Variants in SGCZ observed in about 807,000 individuals in gnomAD.
SGCZ encodes sarcoglycan zeta.
A neutral mutation model predicts 41.3 loss-of-function variants in SGCZ; 40 were observed. That is an observed-to-expected ratio of 0.97 (90% confidence interval 0.75 to 1.26). The LOEUF (loss-of-function observed/expected upper bound fraction) is 1.26. SGCZ is among the 50% of genes most tolerant of loss of function. SGCZ has a pLI of 0.00. For missense variants in SGCZ, 552 were observed against 369.8 expected (o/e 1.49, Z -4.04); for synonymous variants, 206 against 137.5 (o/e 1.50, Z -3.49).
At position 14,927,022 on chromosome 8, in the gene SGCZ, T is replaced by C. The variant is rs570103766; in HGVS notation, c.39+310563A>G. Reference sequence around the variant, plus strand: ...ATCACATTCCTATGGACACAGTATATAGTCTTTCAGTATCAACTACATTTT... The same window carrying C: ...ATCACATTCCTATGGACACAGTATACAGTCTTTCAGTATCAACTACATTTT... On this transcript the variant is annotated intron_variant, in intron 1 of 7. Transcript: ENST00000382080. 3.9e-4 allele frequency among the ~76,000 whole-genome samples: 59 copies of C among 152,060 alleles called. 1 individual carries two copies. The highest frequency in any genetic ancestry group is 3.1e-3 in the South Asian group (15 of 4,810).
chr8:14,104,534 T>G (rs1358362176), intron 6 of SGCZ, among the ~76,000 whole-genome samples: 1 of 152,002 alleles, frequency 6.6e-6, no homozygotes, highest in Non-Finnish European at 1.5e-5. Context: ...TTATTAAATA[T>G]TAAGCAGAAC....
chr8:14,601,505 G>T (rs181770234), intron 1 of SGCZ, among the ~76,000 whole-genome samples: 1 of 152,136 alleles, frequency 6.6e-6, no homozygotes, highest in Non-Finnish European at 1.5e-5. Context: ...CTGTAAAGTT[G>T]ATCTTTTGGA....
At chr8:14,575,023 G>C (rs1477886316) in intron 1 of SGCZ, among the ~76,000 whole-genome samples, 1 of 152,122 alleles carries the variant, frequency 6.6e-6, no homozygotes. Context: ...AAATAATTTT[G>C]TTTTCTCAGA....
chr8:14,563,127 CTGAG>C (rs1804257304), intron 1 of SGCZ, among the ~76,000 whole-genome samples: 1 of 152,178 alleles, frequency 6.6e-6, no homozygotes, highest in South Asian at 2.1e-4. Flanking sequence ...ACAAGTGGTA[CTGAG>C]TGTCGCCTCC....
chr8:14,246,897 G>A (rs1365673614), intron 3 of SGCZ, among the ~76,000 whole-genome samples: 1 of 105,680 alleles, frequency 9.5e-6, no homozygotes, highest in Admixed American at 1.4e-4. Flanking sequence ...GCGACAGAAT[G>A]AGACTCCATC....
intron 5 of SGCZ, among the ~76,000 whole-genome samples, chr8:14,145,674 T>C (rs558871544): frequency 1.0e-3 from 152 of 152,310 alleles, no homozygotes; most frequent in African/African-American, 3.5e-3. Context: ...AAAATAGCTA[T>C]GTTGAGAAAA....
intron 2 of SGCZ, among the ~76,000 whole-genome samples, chr8:14,438,538 C>T (rs1800156349): frequency 6.6e-6 from 1 of 151,946 alleles, no homozygotes; most frequent in Non-Finnish European, 1.5e-5. Context: ...CTTGGAGAAC[C>T]TATGGAGTCA....
In SGCZ at chr8:14,570,003, G is replaced by A. The variant is rs777137307; in HGVS notation, c.40-15077C>T. Among the ~76,000 whole-genome samples, 28 of 150,882 alleles carry A rather than the reference G, an allele frequency of 1.9e-4. No individual in the cohort carries two copies. The Middle Eastern group carries it at 0.01, about 56-fold the overall frequency. On this transcript the variant is annotated intron_variant, in intron 1 of 7. Transcript: ENST00000382080. The stretch of plus-strand genomic sequence containing the variant: ...TGACAACTTCATACAAAATAACATA[G>A]CAACCCTCCATTCCTCATTACCTTC...
At chr8:15,139,403 G>A (rs268428) in intron 1 of SGCZ, among the ~76,000 whole-genome samples, 34,915 of 152,064 alleles carry the variant, frequency 0.23, 5,981 homozygotes, top group African/African-American at 0.48. Context: ...AATAAACATA[G>A]TAAAGTGTCC....
chr8:14,417,580 T>G (rs1251725014), intron 2 of SGCZ, among the ~76,000 whole-genome samples: 2 of 151,974 alleles, frequency 1.3e-5, no homozygotes, highest in Middle Eastern at 3.4e-3. Flanking sequence ...TCTTACATTC[T>G]AAAATTACCT....
At chr8:14,836,538 G>A (rs1018039111) in intron 1 of SGCZ, among the ~76,000 whole-genome samples, 7 of 152,086 alleles carry the variant, frequency 4.6e-5, no homozygotes, top group African/African-American at 1.7e-4. Flanking sequence ...TCACTCTGTT[G>A]CCCAAGCTGG....
chr8:15,038,284 A>G (rs936621823), intron 1 of SGCZ, among the ~76,000 whole-genome samples: 1 of 152,132 alleles, frequency 6.6e-6, no homozygotes, highest in African/African-American at 2.4e-5. Flanking sequence ...TAAAATAGAG[A>G]GCCCAGAAAT....
At chr8:14,233,068 T>A (rs1806629764) in intron 4 of SGCZ, among the ~76,000 whole-genome samples, 1 of 151,984 alleles carries the variant, frequency 6.6e-6, no homozygotes. Context: ...AAATGAGGAA[T>A]GCTAACAAAA....
At chr8:14,299,263 T>C (rs1172436440) in intron 3 of SGCZ, among the ~76,000 whole-genome samples, 1 of 151,886 alleles carries the variant, frequency 6.6e-6, no homozygotes, top group East Asian at 1.9e-4. Context: ...TTTCAGGTAG[T>C]CAAAGTTTTC....
chr8:14,289,369 C>A (rs185799549), intron 3 of SGCZ, among the ~76,000 whole-genome samples: 18 of 151,510 alleles, frequency 1.2e-4, no homozygotes, highest in Admixed American at 1.1e-3. Context: ...GAATTAATAC[C>A]CCTATATTTT....
chr8:14,510,572 C>A (rs1389731464), intron 2 of SGCZ, among the ~76,000 whole-genome samples: 3 of 152,126 alleles, frequency 2.0e-5, no homozygotes, highest in South Asian at 2.1e-4. Flanking sequence ...CTCTAGCCCA[C>A]CTTTGCTTCC....
chr8:14,430,219 A>C (rs1799905123), intron 2 of SGCZ, among the ~76,000 whole-genome samples: 1 of 152,180 alleles, frequency 6.6e-6, no homozygotes, highest in African/African-American at 2.4e-5. Context: ...CCCTAATACC[A>C]AAACCAGGAA....
intron 1 of SGCZ, among the ~76,000 whole-genome samples, chr8:14,959,542 T>A (rs1296438658): frequency 6.6e-6 from 1 of 152,156 alleles, no homozygotes; most frequent in East Asian, 1.9e-4. Context: ...AATGAATCAT[T>A]TAACAATAGC....
intron 2 of SGCZ, among the ~76,000 whole-genome samples, chr8:14,377,006 T>G (rs1209241389): frequency 6.6e-6 from 1 of 152,158 alleles, no homozygotes; most frequent in Non-Finnish European, 1.5e-5. Flanking sequence ...AGGAACCCCT[T>G]TTGTTATACA....
Sources: gnomAD v4.1 joint callset for allele counts (sites outside exome capture counted in the v4.1 genomes callset) on GRCh38, gnomAD v4.1.1 for gene constraint, MANE v1.5 for transcripts, NCBI Gene and HGNC (gene_info 2026-07-23, HGNC 2026-07-21) for gene names.